The following TAS2R1 variants were observed in gnomAD, a reference collection of about 807,000 sequenced individuals.
TAS2R1 encodes taste 2 receptor member 1.
For missense variants in TAS2R1, 370 were observed against 353.4 expected, an observed-to-expected ratio of 1.05 and a Z score of -0.38; for synonymous variants, 141 against 134.2, an observed-to-expected ratio of 1.05 and a Z score of -0.35.
At chr5:9,869,638 T>A in the TAS2R1 span, among the ~76,000 whole-genome samples, 2 of 152,156 alleles carry the variant, frequency 1.3e-5, no homozygotes, top group Non-Finnish European at 2.9e-5. Context: ...CTTCAATAAT[T>A]GATGTTTCAG....
chr5:9,894,391 T>TCAGAAA, the TAS2R1 span, among the ~76,000 whole-genome samples: 1 of 147,082 alleles, frequency 6.8e-6, no homozygotes, highest in Non-Finnish European at 1.5e-5. Context: ...AGACTCTGTC[T>TCAGAAA]CAAAAACAAA....
intron 2 of TAS2R1, among the ~76,000 whole-genome samples, chr5:9,645,398 G>A (rs966129589): frequency 8.6e-5 from 13 of 152,042 alleles, no homozygotes; most frequent in African/African-American, 2.2e-4. Context: ...GCATCACCGC[G>A]TCCTATGTTA....
chr5:9,809,264 T>C, the TAS2R1 span, among the ~76,000 whole-genome samples: 2 of 152,176 alleles, frequency 1.3e-5, no homozygotes, highest in Non-Finnish European at 2.9e-5. Context: ...AGAATACATG[T>C]CTTTTGCATG....
the TAS2R1 span, among the ~76,000 whole-genome samples, chr5:9,821,679 T>C: frequency 1.3e-5 from 2 of 152,314 alleles, no homozygotes; most frequent in South Asian, 2.1e-4. Flanking sequence ...GTGATTGCCT[T>C]TGAGACAGGG....
rs79331449 is a variant in TAS2R1 at position 9,642,490 on chromosome 5, G to T, written c.-80-12498C>A. On this transcript the variant is annotated intron_variant, in intron 2 of 2. Coordinates refer to the TAS2R1 transcript ENST00000506620. The stretch of plus-strand genomic sequence containing the variant: ...ATTTATTTCATTTAAAATTCACAAC[G>T]TCTTGGTTAAAAAGCACCAGATTCT... Among the ~76,000 whole-genome samples, 591 of 152,208 alleles carry T rather than the reference G, an allele frequency of 3.9e-3. 14 individuals carry two copies. Among genetic ancestry groups the T allele is most frequent in the East Asian group, 0.029 (151 of 5,168 alleles).
the TAS2R1 span, among the ~76,000 whole-genome samples, chr5:9,814,469 G>A: frequency 0.056 from 8,463 of 152,108 alleles, 241 homozygotes; most frequent in East Asian, 0.11. Context: ...CACTGTTCTC[G>A]AGCCCATTTT....
At chr5:9,802,686 A>G in the TAS2R1 span, among the ~76,000 whole-genome samples, 2 of 152,164 alleles carry the variant, frequency 1.3e-5, no homozygotes, top group Non-Finnish European at 2.9e-5. Flanking sequence ...GCGGATCACA[A>G]GATCAGGAGA....
chr5:9,741,194 A>G, the TAS2R1 span, among the ~76,000 whole-genome samples: 5 of 152,162 alleles, frequency 3.3e-5, no homozygotes, highest in African/African-American at 1.2e-4. Context: ...GCTAGAACAC[A>G]ATCACACCCT....
chr5:9,781,585 T>C, the TAS2R1 span, among the ~76,000 whole-genome samples: 1 of 152,212 alleles, frequency 6.6e-6, no homozygotes, highest in Non-Finnish European at 1.5e-5. Flanking sequence ...ATCTGTCCCC[T>C]TTTCCTCACT....
At chr5:9,683,537 T>C (rs1429916082) in intron 1 of TAS2R1, among the ~76,000 whole-genome samples, 1 of 152,162 alleles carries the variant, frequency 6.6e-6, no homozygotes, top group Non-Finnish European at 1.5e-5. Context: ...TTGTTTCCCC[T>C]GGTCCTTTGG....
chr5:9,886,373 C>T, the TAS2R1 span, among the ~76,000 whole-genome samples: 6 of 125,276 alleles, frequency 4.8e-5, no homozygotes, highest in Non-Finnish European at 9.5e-5. Context: ...CTCACTCTGT[C>T]GCCCAGGCTG....
At chr5:9,715,844 G>A (rs1233135696), upstream of TAS2R1, among the ~76,000 whole-genome samples, 1 of 152,212 alleles carries the variant, frequency 6.6e-6, no homozygotes, top group African/African-American at 2.4e-5. Context: ...TCAGTGAGCA[G>A]GGAAGGGAAA....
chr5:9,876,952 C>T, the TAS2R1 span, among the ~76,000 whole-genome samples: 13 of 152,182 alleles, frequency 8.5e-5, no homozygotes, highest in Non-Finnish European at 1.5e-4. Context: ...ACCACCAATA[C>T]TCAAGATGCA....
At chr5:9,720,315 C>G in the TAS2R1 span, among the ~76,000 whole-genome samples, 395 of 152,356 alleles carry the variant, frequency 2.6e-3, 1 homozygote, top group African/African-American at 9.3e-3. Flanking sequence ...CTGGGCATGG[C>G]TTTAAGCCAC....
At chr5:9,793,371 A>G in the TAS2R1 span, among the ~76,000 whole-genome samples, 1 of 152,238 alleles carries the variant, frequency 6.6e-6, no homozygotes. Context: ...CTGTTATGGG[A>G]TAATGAGCAA....
At chr5:9,755,252 G>A in the TAS2R1 span, among the ~76,000 whole-genome samples, 9 of 152,092 alleles carry the variant, frequency 5.9e-5, no homozygotes, top group South Asian at 2.1e-4. Flanking sequence ...AATTTAGGGC[G>A]AGTTCATACA....
At chr5:9,729,022 A>C in the TAS2R1 span, among the ~76,000 whole-genome samples, 1 of 152,194 alleles carries the variant, frequency 6.6e-6, no homozygotes, top group Admixed American at 6.5e-5. Context: ...CAGGAAGAAA[A>C]ACCAGCATCC....
intron 1 of TAS2R1, among the ~76,000 whole-genome samples, chr5:9,689,983 T>C (rs1741206789): frequency 6.6e-6 from 1 of 152,204 alleles, no homozygotes. Flanking sequence ...CATAAATAAG[T>C]TGATGAGAAC....
chr5:9,878,918 T>C, the TAS2R1 span, among the ~76,000 whole-genome samples: 1 of 152,186 alleles, frequency 6.6e-6, no homozygotes, highest in Non-Finnish European at 1.5e-5. Flanking sequence ...AGTGCAGACA[T>C]AAAGAAGCAA....
Sources: allele counts gnomAD v4.1 joint callset (sites outside exome capture counted in the v4.1 genomes callset), GRCh38; gene constraint gnomAD v4.1.1; transcripts MANE v1.5; gene names NCBI Gene and HGNC (gene_info 2026-07-23, HGNC 2026-07-21).